LRRC1: variants seen among roughly 807,000 people sequenced by gnomAD.
The protein encoded by LRRC1 is leucine rich repeat containing 1.
In LRRC1, 28 loss-of-function variants were observed where a neutral mutation model predicts 69.9. The observed-to-expected ratio is 0.40, with a 90% CI of 0.30 to 0.55. The LOEUF (loss-of-function observed/expected upper bound fraction) is 0.55. Ranked by LOEUF, LRRC1 falls within the 20% of genes least tolerant of loss-of-function variation. The probability of loss-of-function intolerance (pLI) is 0.47; values close to 1 mark genes in which losing one functional copy is unlikely to be tolerated. For synonymous variants in LRRC1, 236 were observed against 240.2 expected (o/e 0.98, Z 0.16); for missense variants, 498 against 609.0 (o/e 0.82, Z 1.92).
chr6:53,919,477 T>TTAAAAAAAAA, intron 11 of LRRC1, 21 bp from the exon 12 acceptor site: 1 of 1,256,414 alleles, frequency 8.0e-7, no homozygotes. Context: ...TCTCTTTTTT[T>TTAAAAAAAAA]AAAAAAAAAA....
At chr6:53,810,647 C>T (rs1033419068) in intron 1 of LRRC1, among the ~76,000 whole-genome samples, 3 of 151,996 alleles carry the variant, frequency 2.0e-5, no homozygotes, top group African/African-American at 7.2e-5. Context: ...TACACGTAGA[C>T]ATTTTCCCTA....
intron 2 of LRRC1, among the ~76,000 whole-genome samples, chr6:53,854,656 G>T (rs546514984): frequency 1.3e-5 from 2 of 152,152 alleles, no homozygotes; most frequent in Non-Finnish European, 2.9e-5. Flanking sequence ...TCTCAAGTTT[G>T]TTGAACTCTA....
At chr6:53,883,558 CATTG>C (rs1329418381) in intron 4 of LRRC1, among the ~76,000 whole-genome samples, 1 of 152,200 alleles carries the variant, frequency 6.6e-6, no homozygotes, top group Admixed American at 6.5e-5. Flanking sequence ...AAATAGAATC[CATTG>C]AAGACAATGT....
intron 2 of LRRC1, among the ~76,000 whole-genome samples, chr6:53,872,633 GA>G (rs1257432653): frequency 6.6e-6 from 1 of 151,604 alleles, no homozygotes; most frequent in Non-Finnish European, 1.5e-5. Flanking sequence ...GGTTCTGTAA[GA>G]ATTAGAGGAT....
intron 4 of LRRC1, among the ~76,000 whole-genome samples, chr6:53,887,445 C>T (rs1212142989): frequency 6.6e-6 from 1 of 150,560 alleles, no homozygotes. Flanking sequence ...CTTTTCTGTG[C>T]GATGAAGGGA....
Position 53,896,390 on chromosome 6 carries a change from A to G in LRRC1, c.447-108A>G, listed in dbSNP as rs914112049. The G allele has an allele frequency of 3.9e-5, 33 of 855,660 alleles. No homozygotes were observed. In the Admixed American group the frequency reaches 4.3e-4, roughly 11 times the overall value. 53.0% of individuals were successfully genotyped at this position (855,660 alleles called of 1,614,324 possible). ...TTTTTACCCTGGTAAGTGACCTACTAGGTTTTATTAAGTGTTGCAACTTGT... is the reference window on the plus strand; with the variant it reads ...TTTTTACCCTGGTAAGTGACCTACTGGGTTTTATTAAGTGTTGCAACTTGT... On this transcript the variant is annotated intron_variant, in intron 4 of 13. Coordinates refer to ENST00000370888, the MANE Select transcript of LRRC1 (RefSeq NM_018214.5).
chr6:53,892,587 C>T (rs1767740424), intron 4 of LRRC1, among the ~76,000 whole-genome samples: 1 of 152,164 alleles, frequency 6.6e-6, no homozygotes, highest in African/African-American at 2.4e-5. Flanking sequence ...TATTTGAATT[C>T]AATGGGTTGC....
At chr6:53,879,371 C>T (rs1446317896) in intron 3 of LRRC1, among the ~76,000 whole-genome samples, 5 of 152,174 alleles carry the variant, frequency 3.3e-5, no homozygotes, top group African/African-American at 9.7e-5. Context: ...GTGCAACCTC[C>T]GCCTTCCGGG....
intron 10 of LRRC1, among the ~76,000 whole-genome samples, chr6:53,910,960 T>G (rs1350106374): frequency 1.3e-5 from 2 of 152,266 alleles, no homozygotes; most frequent in Admixed American, 1.3e-4. Flanking sequence ...TATGTGAATG[T>G]TCGCTGGGAC....
chr6:53,882,300 A>G (rs1767318274), intron 3 of LRRC1, among the ~76,000 whole-genome samples: 1 of 152,212 alleles, frequency 6.6e-6, no homozygotes, highest in African/African-American at 2.4e-5. Flanking sequence ...GTGAGCCGAG[A>G]TTGCGCCACT....
At chr6:53,895,126 C>G (rs1278189200) in intron 4 of LRRC1, among the ~76,000 whole-genome samples, 1 of 152,124 alleles carries the variant, frequency 6.6e-6, no homozygotes, top group African/African-American at 2.4e-5. Flanking sequence ...ACCGTGTTAG[C>G]CGGGATGGTC....
At chr6:53,902,950 A>G (rs1027886192) in intron 9 of LRRC1, among the ~76,000 whole-genome samples, 4 of 152,178 alleles carry the variant, frequency 2.6e-5, no homozygotes, top group Non-Finnish European at 5.9e-5. Flanking sequence ...CCTGTGTCCC[A>G]GTTGTGGTGC....
chr6:53,837,524 G>A (rs1190714841), intron 1 of LRRC1, among the ~76,000 whole-genome samples: 1 of 152,160 alleles, frequency 6.6e-6, no homozygotes, highest in Non-Finnish European at 1.5e-5. Context: ...TAAATTTGGT[G>A]TTATTATAGT....
chr6:53,920,792 G>T (rs1490473471), intron 13 of LRRC1, 31 bp downstream of exon 13: 2 of 1,612,864 alleles, frequency 1.2e-6, no homozygotes, highest in Non-Finnish European at 8.5e-7. Context: ...TGCCTCTGTG[G>T]AAGTTCAAAA....
chr6:53,903,893 C>G (rs1768146676), intron 9 of LRRC1, among the ~76,000 whole-genome samples: 1 of 152,252 alleles, frequency 6.6e-6, no homozygotes, highest in Admixed American at 6.5e-5. Context: ...TGGTAGAGCT[C>G]TGCTCCCCAC....
intron 11 of LRRC1, among the ~76,000 whole-genome samples, chr6:53,917,120 C>T (rs894119268): frequency 6.6e-6 from 1 of 152,160 alleles, no homozygotes; most frequent in African/African-American, 2.4e-5. Context: ...GAATGTATTT[C>T]TCATCATTTT....
At chr6:53,922,489 C>G (rs1462312734) in intron 13 of LRRC1, 146 bp from the exon 14 acceptor site, 2 of 646,172 alleles carry the variant, frequency 3.1e-6, no homozygotes, top group East Asian at 5.5e-5. Context: ...GATGAATGCA[C>G]ATACATCCAA....
At position 53,838,223 on chromosome 6, in the gene LRRC1, G is replaced by A. The variant is rs1765665538; in HGVS notation, c.160-3887G>A. ...AGATCACATCAGGATAATGAGGGAA[G>A]GATTAAGGAATTACTGGTTTCATTT... is the stretch of plus-strand genomic sequence containing the variant. On this transcript the variant is annotated intron_variant, in intron 1 of 13. Transcript: ENST00000370888. Among the ~76,000 whole-genome samples, 2 of 152,190 alleles carry A rather than the reference G, an allele frequency of 1.3e-5. 1 individual carries two copies. The highest frequency in any genetic ancestry group is 4.1e-4 in the South Asian group (2 of 4,830).
intron 1 of LRRC1, among the ~76,000 whole-genome samples, chr6:53,795,666 G>A (rs761438378): frequency 1.9e-4 from 29 of 152,212 alleles, no homozygotes; most frequent in Non-Finnish European, 3.1e-4. Context: ...TTGGAGAAGC[G>A]TTCTGGACTG....
Sources: gnomAD v4.1 joint callset for allele counts (sites outside exome capture counted in the v4.1 genomes callset) on GRCh38, gnomAD v4.1.1 for gene constraint, MANE v1.5 for transcripts, NCBI Gene and HGNC (gene_info 2026-07-23, HGNC 2026-07-21) for gene names.